The following ADAMTS19 variants were observed in gnomAD, a reference collection of about 807,000 sequenced individuals.
The protein encoded by ADAMTS19 is A disintegrin and metalloproteinase with thrombospondin motifs 19.
In ADAMTS19, 93 loss-of-function variants were observed where a neutral mutation model predicts 153.3. That is an observed-to-expected ratio of 0.61 (90% confidence interval 0.51 to 0.72). The LOEUF (loss-of-function observed/expected upper bound fraction) is 0.72, where lower values mean the gene tolerates loss of function less well. ADAMTS19 is among the 30% of genes least tolerant of loss of function. The pLI, the probability that ADAMTS19 is intolerant of heterozygous loss-of-function variation, is 0.00. For missense variants in ADAMTS19, 1,482 were observed against 1,552.1 expected, an observed-to-expected ratio of 0.95 and a Z score of 0.76; for synonymous variants, 600 against 556.6, an observed-to-expected ratio of 1.08 and a Z score of -1.10.
chr5:129,537,077 A>C (rs1752463376), intron 6 of ADAMTS19, among the ~76,000 whole-genome samples: 1 of 151,208 alleles, frequency 6.6e-6, no homozygotes, highest in Admixed American at 6.6e-5. Context: ...TAAAAAAAAG[A>C]AAAAAGAAAA....
chr5:129,564,100 T>C (rs1753619619), intron 7 of ADAMTS19, among the ~76,000 whole-genome samples: 1 of 152,100 alleles, frequency 6.6e-6, no homozygotes, highest in Admixed American at 6.6e-5. Flanking sequence ...TTTGTATTTT[T>C]AGTAGAGACA....
intron 16 of ADAMTS19, among the ~76,000 whole-genome samples, chr5:129,676,698 G>T (rs534611041): frequency 1.3e-5 from 2 of 152,242 alleles, no homozygotes; most frequent in South Asian, 2.1e-4. Flanking sequence ...TTCAATCATG[G>T]TGAAGAGTAT....
chr5:129,702,941 A>AAAAATAT, intron 20 of ADAMTS19, among the ~76,000 whole-genome samples: 15 of 29,304 alleles, frequency 5.1e-4, no homozygotes, highest in East Asian at 4.0e-3. Flanking sequence ...AAAAAAAAAA[A>AAAAATAT]ATATATATAT....
At chr5:129,728,532 G>A (rs974916507) in intron 21 of ADAMTS19, among the ~76,000 whole-genome samples, 5 of 152,074 alleles carry the variant, frequency 3.3e-5, no homozygotes, top group African/African-American at 1.2e-4. Context: ...TATCTTGTAA[G>A]AGGTCCAGAA....
chr5:129,472,074 T>A (rs1213690558), intron 2 of ADAMTS19, among the ~76,000 whole-genome samples: 1 of 152,250 alleles, frequency 6.6e-6, no homozygotes, highest in African/African-American at 2.4e-5. Flanking sequence ...TACCCAGTAA[T>A]GGGCTTGGTG....
At chr5:129,709,935 T>G (rs564610642) in intron 21 of ADAMTS19, among the ~76,000 whole-genome samples, 1 of 152,170 alleles carries the variant, frequency 6.6e-6, no homozygotes, top group Non-Finnish European at 1.5e-5. Flanking sequence ...CATAGGATCT[T>G]TGGCCTGACC....
intron 21 of ADAMTS19, among the ~76,000 whole-genome samples, chr5:129,711,096 T>C (rs1254286855): frequency 6.6e-6 from 1 of 152,180 alleles, no homozygotes; most frequent in Non-Finnish European, 1.5e-5. Flanking sequence ...TATAGCTTCC[T>C]AGTTTTAACA....
chr5:129,596,994 G>A (rs1194020430), intron 8 of ADAMTS19, among the ~76,000 whole-genome samples: 1 of 152,016 alleles, frequency 6.6e-6, no homozygotes, highest in African/African-American at 2.4e-5. Context: ...CTTTTCAAAC[G>A]CTTAGTACAA....
At chr5:129,498,116 C>T (rs937436520) in intron 2 of ADAMTS19, among the ~76,000 whole-genome samples, 2 of 152,044 alleles carry the variant, frequency 1.3e-5, no homozygotes, top group African/African-American at 4.8e-5. Flanking sequence ...GTCTCCACAC[C>T]ACCTGTCAGT....
chr5:129,684,007 A>G lies in ADAMTS19; in HGVS notation c.2665-113A>G. ...TGTCCACAACAGCAACAACAACAAC[A>G]AAATGCACACAACACAATGAGCATT... On this transcript the variant is annotated intron_variant, in intron 17 of 22. Coordinates refer to ENST00000274487, the MANE Select transcript of ADAMTS19 (RefSeq NM_133638.6). The G allele has an allele frequency of 2.5e-6, 3 of 1,195,140 alleles. No individual in the cohort carries two copies. The South Asian group carries it at 5.5e-5, about 22-fold the overall frequency. 74.0% of individuals were successfully genotyped at this position (1,195,140 alleles called of 1,614,324 possible). A position where few individuals can be genotyped will look rare whatever the true frequency, so the allele number is the denominator to read the frequency against.
At chr5:129,598,525 T>A (rs114011498) in intron 8 of ADAMTS19, among the ~76,000 whole-genome samples, 3,879 of 152,332 alleles carry the variant, frequency 0.025, 69 homozygotes, top group Admixed American at 0.039. Flanking sequence ...TATAGCAATG[T>A]ATCCATCACC....
chr5:129,527,638 A>G (rs1299102492), intron 4 of ADAMTS19, 110 bp from the exon 5 acceptor site: 2 of 334,730 alleles, frequency 6.0e-6, no homozygotes, highest in Non-Finnish European at 1.1e-5. Flanking sequence ...TTTTTTAAAA[A>G]AAAAAAAAGA....
chr5:129,465,306 GT>G lies in ADAMTS19; in HGVS notation c.747+3566del, dbSNP rs61242834. Among the ~76,000 whole-genome samples, 627 of 125,978 alleles carry G rather than the reference GT, an allele frequency of 5.0e-3. 3 individuals carry two copies. The highest frequency in any genetic ancestry group is 0.012 in the African/African-American group (435 of 35,090). 82.6% of individuals were successfully genotyped at this position (125,978 alleles called of 152,430 possible). A position where few individuals can be genotyped will look rare whatever the true frequency, so the allele number is the denominator to read the frequency against. ...TATCTTTGCTCAAAGTTAACACAAT[GT>G]TTTTTTTTTTTTTTTTCTAAAAACA... On this transcript the variant is annotated intron_variant, in intron 2 of 22. Transcript: ENST00000274487.
chr5:129,712,275 G>A (rs1411095391), intron 21 of ADAMTS19, among the ~76,000 whole-genome samples: 2 of 152,040 alleles, frequency 1.3e-5, no homozygotes, highest in Non-Finnish European at 2.9e-5. Context: ...ATCATCTAAA[G>A]AAATCAAAGA....
Position 129,462,878 on chromosome 5 carries a change from G to T in ADAMTS19, c.747+1121G>T, listed in dbSNP as rs75860311. 2.1e-3 allele frequency among the ~76,000 whole-genome samples: 314 copies of T among 152,210 alleles called. 4 individuals carry two copies. The highest frequency in any genetic ancestry group is 7.3e-3 in the African/African-American group (303 of 41,520). ...ACAAGAACTTGCATGGAAGCAAACT[G>T]CTCATTTGGAGAAAATCCAACAGCA... is the stretch of plus-strand genomic sequence containing the variant. On this transcript the variant is annotated intron_variant, in intron 2 of 22. Transcript: ENST00000274487.
At chr5:129,494,915 A>T (rs1428734113) in intron 2 of ADAMTS19, among the ~76,000 whole-genome samples, 3 of 152,158 alleles carry the variant, frequency 2.0e-5, no homozygotes, top group Admixed American at 6.6e-5. Context: ...CATTTGGCAA[A>T]GCATATGTAG....
intron 21 of ADAMTS19, among the ~76,000 whole-genome samples, chr5:129,706,491 C>T (rs916248057): frequency 7.3e-5 from 11 of 151,686 alleles, no homozygotes; most frequent in Admixed American, 3.3e-4. Context: ...ATTGCTTGAA[C>T]CCGGGAGGTG....
intron 6 of ADAMTS19, 96 bp downstream of exon 6, chr5:129,528,773 T>A: frequency 9.5e-7 from 1 of 1,048,324 alleles, no homozygotes; most frequent in Admixed American, 3.1e-5. Flanking sequence ...TTATTTCAGA[T>A]TTCGTGTTTC....
chr5:129,532,588 T>C (rs1465355943), intron 6 of ADAMTS19, among the ~76,000 whole-genome samples: 1 of 152,196 alleles, frequency 6.6e-6, no homozygotes, highest in African/African-American at 2.4e-5. Flanking sequence ...TTCTTAGATA[T>C]TTACTTAAGA....
Sources: gnomAD v4.1 joint callset for allele counts (sites outside exome capture counted in the v4.1 genomes callset) on GRCh38, gnomAD v4.1.1 for gene constraint, MANE v1.5 for transcripts, NCBI Gene and HGNC (gene_info 2026-07-23, HGNC 2026-07-21) for gene names.